NAALADL2: variants seen among roughly 807,000 people sequenced by gnomAD.
The protein encoded by NAALADL2 is inactive N-acetylated-alpha-linked acidic dipeptidase-like protein 2.
NAALADL2 carries 76 observed loss-of-function variants against 87.2 expected under a neutral mutation model. That is an observed-to-expected ratio of 0.87 (90% CI 0.72 to 1.05). NAALADL2 has a LOEUF of 1.05. Among genes scored for constraint, NAALADL2 ranks in the 50% least tolerant of loss-of-function variants. The pLI is 0.00. For missense variants in NAALADL2, 1,089 were observed against 945.8 expected (o/e 1.15, Z -1.99); for synonymous variants, 354 against 331.0 (o/e 1.07, Z -0.75).
chr3:175,227,191 A>G (rs1014062434), intron 2 of NAALADL2, among the ~76,000 whole-genome samples: 1 of 151,960 alleles, frequency 6.6e-6, no homozygotes, highest in Non-Finnish European at 1.5e-5. Flanking sequence ...TTGGCATTCA[A>G]CCTGGTGTTA....
At chr3:174,860,525 CAT>C (rs1267618951) in intron 1 of NAALADL2, among the ~76,000 whole-genome samples, 1 of 152,034 alleles carries the variant, frequency 6.6e-6, no homozygotes, top group Non-Finnish European at 1.5e-5. Context: ...AAGATTATAA[CAT>C]ATTCCTTATT....
intron 1 of NAALADL2, among the ~76,000 whole-genome samples, chr3:175,055,535 G>A (rs532794227): frequency 6.6e-6 from 1 of 152,310 alleles, no homozygotes; most frequent in South Asian, 2.1e-4. Context: ...CATTGTACAG[G>A]GGTGAGGGAA....
At chr3:174,462,656 G>A (rs989689715) in intron 1 of NAALADL2, among the ~76,000 whole-genome samples, 1 of 152,074 alleles carries the variant, frequency 6.6e-6, no homozygotes, top group Non-Finnish European at 1.5e-5. Flanking sequence ...CAAGATATGC[G>A]TCTTTGAATT....
intron 9 of NAALADL2, among the ~76,000 whole-genome samples, chr3:175,542,030 T>C (rs1386684138): frequency 6.6e-6 from 1 of 152,164 alleles, no homozygotes; most frequent in Non-Finnish European, 1.5e-5. Context: ...GTGCAACTTT[T>C]AATCTTCTCT....
chr3:175,745,504 C>T (rs1745798143), intron 12 of NAALADL2, among the ~76,000 whole-genome samples: 1 of 152,120 alleles, frequency 6.6e-6, no homozygotes, highest in African/African-American at 2.4e-5. Flanking sequence ...CTTGTGCACA[C>T]TATAGATCAT....
chr3:174,880,177 T>C (rs1424923133), intron 1 of NAALADL2, among the ~76,000 whole-genome samples: 2 of 152,056 alleles, frequency 1.3e-5, no homozygotes, highest in Admixed American at 6.6e-5. Context: ...CTTGAAACCC[T>C]AGAGTCCTAT....
intron 1 of NAALADL2, among the ~76,000 whole-genome samples, chr3:175,038,830 C>T (rs943399762): frequency 2.0e-5 from 3 of 151,526 alleles, no homozygotes; most frequent in Admixed American, 6.6e-5. Flanking sequence ...AATAATTTAT[C>T]GTGCAAACGT....
chr3:174,956,582 C>G (rs1373803199), intron 1 of NAALADL2, among the ~76,000 whole-genome samples: 1 of 151,976 alleles, frequency 6.6e-6, no homozygotes, highest in Non-Finnish European at 1.5e-5. Context: ...AATTGCCTGC[C>G]ACATATAAGT....
At position 175,303,481 on chromosome 3, in the gene NAALADL2, T is replaced by G. The variant is rs1757333638; in HGVS notation, c.940-20694T>G. ...GCCACCAAAAAAAAATTTCCCATAT[T>G]TCTGATCTTAATCTGATTTTTCTAC... On this transcript the variant is annotated intron_variant, in intron 4 of 13. Coordinates refer to ENST00000454872, the MANE Select transcript of NAALADL2 (RefSeq NM_207015.3). 2.0e-5 allele frequency among the ~76,000 whole-genome samples: 3 copies of G among 152,162 alleles called. No individual in the cohort carries two copies. In the South Asian group the frequency reaches 6.2e-4, roughly 32 times the overall value.
At chr3:174,951,266 G>A (rs1740298301) in intron 1 of NAALADL2, among the ~76,000 whole-genome samples, 2 of 152,030 alleles carry the variant, frequency 1.3e-5, no homozygotes, top group South Asian at 4.1e-4. Context: ...AAGTTGAGAC[G>A]TGAATGTAAT....
rs1036651414 is a variant in NAALADL2, at chr3:174,929,349, G to C, written c.43+69899G>C. On this transcript the variant is annotated intron_variant, in intron 1 of 13. Coordinates refer to ENST00000454872, the MANE Select transcript of NAALADL2 (RefSeq NM_207015.3). ...GAATGATTCTCACTGCTGTATCTGA[G>C]GAAATAATGATGAATGACACAGCCA... is the stretch of plus-strand genomic sequence containing the variant. Among the ~76,000 whole-genome samples the C allele has an allele frequency of 2.6e-5, 4 of 152,130 alleles. No homozygotes were observed. The South Asian group carries it at 8.3e-4, about 31-fold the overall frequency.
chr3:174,700,731 A>G (rs1309366687), intron 2 of NAALADL2, among the ~76,000 whole-genome samples: 1 of 152,218 alleles, frequency 6.6e-6, no homozygotes, highest in Non-Finnish European at 1.5e-5. Flanking sequence ...ATAAATAAAT[A>G]GGACAAATTT....
chr3:175,613,920 T>C (rs1264391504), intron 10 of NAALADL2, among the ~76,000 whole-genome samples: 4 of 152,206 alleles, frequency 2.6e-5, no homozygotes, highest in African/African-American at 4.8e-5. Flanking sequence ...TACATTAGGA[T>C]ATATCCATCT....
intron 1 of NAALADL2, among the ~76,000 whole-genome samples, chr3:174,508,114 G>GGTTTTTTTTTTTT: frequency 9.6e-6 from 1 of 103,902 alleles, no homozygotes; most frequent in South Asian, 3.8e-4. Flanking sequence ...ATATCTAGTG[G>GGTTTTTTTTTTTT]TTTTTTTTTT....
At chr3:174,787,580 T>TATATATATATATATATACATATATATAC (rs1553855333) in intron 3 of NAALADL2, among the ~76,000 whole-genome samples, 1 of 40,176 alleles carries the variant, frequency 2.5e-5, no homozygotes, top group African/African-American at 8.8e-5. Flanking sequence ...TATCATCATA[T>TATATATATATATATATACATATATATAC]ATATATATAT....
chr3:175,542,486 T>A (rs1404170252), intron 9 of NAALADL2, among the ~76,000 whole-genome samples: 1 of 152,204 alleles, frequency 6.6e-6, no homozygotes, highest in African/African-American at 2.4e-5. Flanking sequence ...AAGACAGCCC[T>A]CCATTGTCCT....
At chr3:175,105,487 ATG>A (rs1722941626) in intron 2 of NAALADL2, among the ~76,000 whole-genome samples, 1 of 126,758 alleles carries the variant, frequency 7.9e-6, no homozygotes, top group Non-Finnish European at 1.7e-5. Flanking sequence ...ATGGCTATGT[ATG>A]TATGTGTGTG....
chr3:174,642,174 A>G (rs902339771), intron 2 of NAALADL2, among the ~76,000 whole-genome samples: 1 of 152,002 alleles, frequency 6.6e-6, no homozygotes, highest in Non-Finnish European at 1.5e-5. Context: ...AAGGAAACGC[A>G]TTTTCAATAA....
At chr3:174,633,975 T>G (rs1214325826) in intron 2 of NAALADL2, among the ~76,000 whole-genome samples, 1 of 152,212 alleles carries the variant, frequency 6.6e-6, no homozygotes, top group Non-Finnish European at 1.5e-5. Flanking sequence ...ATAATTCATT[T>G]TGTTACCTGT....
Sources: allele counts gnomAD v4.1 joint callset (sites outside exome capture counted in the v4.1 genomes callset), GRCh38; gene constraint gnomAD v4.1.1; transcripts MANE v1.5; gene names NCBI Gene and HGNC (gene_info 2026-07-23, HGNC 2026-07-21).